Variants in PTBP3 observed in about 807,000 individuals in gnomAD.
PTBP3 encodes polypyrimidine tract binding protein 3, also known as polypyrimidine tract-binding protein 3.
PTBP3 carries 20 observed loss-of-function variants against 58.7 expected under a neutral mutation model. That is an observed-to-expected ratio of 0.34 (90% confidence interval 0.24 to 0.50). PTBP3 has a LOEUF of 0.50. PTBP3 is among the 20% of genes least tolerant of loss of function. The probability of loss-of-function intolerance (pLI) is 0.98; values close to 1 mark genes in which losing one functional copy is unlikely to be tolerated. For missense variants in PTBP3, 509 were observed against 637.2 expected (o/e 0.80, Z 2.17); for synonymous variants, 185 against 219.8 (o/e 0.84, Z 1.40).
rs555556368 is a variant in PTBP3, at chr9:112,320,905, C to T, written c.-52+12565G>A. The stretch of plus-strand genomic sequence containing the variant: ...ACCTAAACCATAAAAGCTAAAACTA[C>T]AGGCTTCTTAAAGCAAATAAATGAG... On this transcript the variant is annotated intron_variant, in intron 1 of 13. Transcript: ENST00000374257. Among the ~76,000 whole-genome samples, 31 of 152,284 alleles carry T rather than the reference C, an allele frequency of 2.0e-4. No homozygotes were observed. The South Asian group carries it at 6.2e-3, about 30-fold the overall frequency.
chr9:112,269,887 A>G (rs1827297705), intron 3 of PTBP3, among the ~76,000 whole-genome samples: 1 of 152,178 alleles, frequency 6.6e-6, no homozygotes, highest in Non-Finnish European at 1.5e-5. Flanking sequence ...AGAAACAAGA[A>G]AAAAACCAAG....
At chr9:112,324,646 TC>T (rs1830087192) in intron 1 of PTBP3, among the ~76,000 whole-genome samples, 3 of 138,562 alleles carry the variant, frequency 2.2e-5, no homozygotes, top group African/African-American at 5.2e-5. Context: ...CGAGACTACC[TC>T]TTTTTTTTTT....
At chr9:112,286,535 C>G (rs1324916689) in intron 2 of PTBP3, among the ~76,000 whole-genome samples, 2 of 152,020 alleles carry the variant, frequency 1.3e-5, no homozygotes, top group Admixed American at 6.6e-5. Flanking sequence ...AATATTAAAA[C>G]ACCTCAGTAC....
chr9:112,259,184 C>G (rs1253908861), intron 5 of PTBP3, among the ~76,000 whole-genome samples: 1 of 152,124 alleles, frequency 6.6e-6, no homozygotes, highest in Non-Finnish European at 1.5e-5. Context: ...AACACCTGAG[C>G]TCAGATGATC....
In PTBP3 at chr9:112,227,534, T is replaced by G; in HGVS notation, c.1241A>C (p.Gln414Pro). The G allele has an allele frequency of 6.2e-7, 1 of 1,614,022 alleles. No homozygotes were observed. Among genetic ancestry groups the G allele is most frequent in the Non-Finnish European group, 8.5e-7 (1 of 1,179,932 alleles). ...ATCCTTAGTCAGACCTTGGTCTTCT[T>G]GTCCCTCTCGAGGAAGCTGTACTGC... ...HQAVQLPREG[Q>P]EDQGLTKDFS... Residue 414 changes from glutamine to proline, a missense_variant, in exon 12 of 14, where the codon CAA becomes CCA. Transcript: ENST00000374257.
intron 2 of PTBP3, among the ~76,000 whole-genome samples, chr9:112,294,192 A>G (rs954119443): frequency 6.6e-6 from 1 of 152,208 alleles, no homozygotes; most frequent in Admixed American, 6.5e-5. Context: ...AAAAGGAAGG[A>G]ACCGATTAAA....
At chr9:112,328,343 C>T (rs1434353597) in intron 1 of PTBP3, among the ~76,000 whole-genome samples, 3 of 152,182 alleles carry the variant, frequency 2.0e-5, no homozygotes, top group Non-Finnish European at 4.4e-5. Context: ...CCAGATAATG[C>T]ATAATTTTAC....
intron 1 of PTBP3, chr9:112,330,537 CAG>C: frequency 1.8e-6 from 2 of 1,128,556 alleles, no homozygotes; most frequent in South Asian, 1.4e-5. Flanking sequence ...TTTTAAAAGA[CAG>C]AGATAGTAAG....
At chr9:112,226,241 C>A (rs528659357) in intron 12 of PTBP3, among the ~76,000 whole-genome samples, 74 of 151,266 alleles carry the variant, frequency 4.9e-4, no homozygotes, top group African/African-American at 1.8e-3. Flanking sequence ...GAGGTTTGAT[C>A]CACTGCCCCA....
At chr9:112,224,087 AC>A (rs778640086) in intron 13 of PTBP3, 45 bp downstream of exon 13, 2 of 1,550,898 alleles carry the variant, frequency 1.3e-6, no homozygotes, top group Non-Finnish European at 1.8e-6. Context: ...AAATTTGCAT[AC>A]CATATTAAAT....
chr9:112,363,572 T>G, the PTBP3 span, among the ~76,000 whole-genome samples: 1 of 14,314 alleles, frequency 7.0e-5, no homozygotes, highest in Non-Finnish European at 1.1e-4. Context: ...AGGCTATTCT[T>G]GACCTATTAG....
the PTBP3 span, among the ~76,000 whole-genome samples, chr9:112,352,444 T>C: frequency 2.0e-5 from 3 of 152,206 alleles, no homozygotes; most frequent in African/African-American, 7.2e-5. Context: ...CTGTTAACCC[T>C]TCAGCCTCCC....
chr9:112,241,089 ATT>A (rs972141920), intron 7 of PTBP3, among the ~76,000 whole-genome samples: 4 of 151,898 alleles, frequency 2.6e-5, no homozygotes, highest in Non-Finnish European at 4.4e-5. Flanking sequence ...TATTTTATTT[ATT>A]TGTTTGTTTT....
At chr9:112,247,365 G>A (rs906443130) in intron 7 of PTBP3, among the ~76,000 whole-genome samples, 4 of 151,776 alleles carry the variant, frequency 2.6e-5, no homozygotes, top group Non-Finnish European at 4.4e-5. Context: ...TAAATGACTC[G>A]AAAGAGACAT....
At chr9:112,351,677 C>T in the PTBP3 span, among the ~76,000 whole-genome samples, 1 of 152,170 alleles carries the variant, frequency 6.6e-6, no homozygotes, top group Non-Finnish European at 1.5e-5. Flanking sequence ...TTAATTATAT[C>T]AGTATGGACT....
At chr9:112,241,089 ATTTG>A (rs920270120) in intron 7 of PTBP3, among the ~76,000 whole-genome samples, 4 of 151,898 alleles carry the variant, frequency 2.6e-5, no homozygotes, top group Non-Finnish European at 5.9e-5. Context: ...TATTTTATTT[ATTTG>A]TTTGTTTTTT....
intron 1 of PTBP3, chr9:112,298,544 C>T (rs748963541): frequency 9.8e-6 from 5 of 509,320 alleles, no homozygotes; most frequent in South Asian, 7.2e-5. Flanking sequence ...CTACCACCAA[C>T]ATTTAAAAGA....
chr9:112,270,266 T>G (rs1827317222), intron 3 of PTBP3, among the ~76,000 whole-genome samples: 1 of 152,166 alleles, frequency 6.6e-6, no homozygotes, highest in African/African-American at 2.4e-5. Flanking sequence ...ATGCTTCCAA[T>G]TAACACCCAT....
At chr9:112,379,875 C>T in the PTBP3 span, 3 of 547,006 alleles carry the variant, frequency 5.5e-6, no homozygotes, top group East Asian at 3.4e-5. Flanking sequence ...TGTCACCGTA[C>T]GACCAGTGAG....
Sources: gnomAD v4.1 joint callset for allele counts (sites outside exome capture counted in the v4.1 genomes callset) on GRCh38, gnomAD v4.1.1 for gene constraint, MANE v1.5 for transcripts, NCBI Gene and HGNC (gene_info 2026-07-23, HGNC 2026-07-21) for gene names.